Variants in FTO observed in about 807,000 individuals in gnomAD.
FTO encodes the protein alpha-ketoglutarate-dependent dioxygenase FTO.
A neutral mutation model predicts 63.9 loss-of-function variants in FTO; 47 were observed. The ratio of observed to expected loss-of-function variants is 0.74; its 90% confidence interval spans 0.58 to 0.94. The LOEUF (loss-of-function observed/expected upper bound fraction) is 0.94, where lower values mean the gene tolerates loss of function less well. Among genes scored for constraint, FTO ranks in the 40% least tolerant of loss-of-function variants. The probability of loss-of-function intolerance (pLI) is 0.00; values close to 1 mark genes in which losing one functional copy is unlikely to be tolerated. For missense variants in FTO, 562 were observed against 618.1 expected, an observed-to-expected ratio of 0.91 and a Z score of 0.96; for synonymous variants, 207 against 224.4, an observed-to-expected ratio of 0.92 and a Z score of 0.69.
chr16:53,996,288 A>G (rs1277010277), intron 8 of FTO, among the ~76,000 whole-genome samples: 8 of 152,204 alleles, frequency 5.3e-5, no homozygotes, highest in African/African-American at 1.4e-4. Context: ...AGGAAAAATA[A>G]AAGTGGAGAC....
chr16:53,966,704 C>T (rs555881041), intron 8 of FTO, among the ~76,000 whole-genome samples: 2 of 152,268 alleles, frequency 1.3e-5, no homozygotes, highest in East Asian at 1.9e-4. Flanking sequence ...CCAAGAATAG[C>T]CTCCAAGTTC....
rs575673453 is a variant in FTO, at chr16:53,954,100, A to G, written c.1364+19991A>G. On this transcript the variant is annotated intron_variant, in intron 8 of 8. Transcript: ENST00000471389. The stretch of plus-strand genomic sequence containing the variant: ...AATGCTTGGCAAGGAGTAGATGTTC[A>G]TAGATTGTTGATAGATATGAACAAG... 3.3e-5 allele frequency among the ~76,000 whole-genome samples: 5 copies of G among 152,338 alleles called. No homozygotes were observed. The East Asian group carries it at 9.7e-4, about 29-fold the overall frequency.
At chr16:54,026,490 C>T (rs1326513577) in intron 8 of FTO, among the ~76,000 whole-genome samples, 2 of 152,194 alleles carry the variant, frequency 1.3e-5, no homozygotes, top group Non-Finnish European at 2.9e-5. Flanking sequence ...TTAGTTTCAT[C>T]TATAGGTAAG....
At chr16:53,872,246 T>G (rs1319518836) in intron 4 of FTO, among the ~76,000 whole-genome samples, 3 of 152,198 alleles carry the variant, frequency 2.0e-5, no homozygotes, top group Non-Finnish European at 4.4e-5. Context: ...TTCTGGTGCT[T>G]CTTTTTTTGG....
chr16:53,777,665 A>G (rs923461323), intron 1 of FTO, among the ~76,000 whole-genome samples: 2 of 152,196 alleles, frequency 1.3e-5, no homozygotes, highest in Non-Finnish European at 2.9e-5. Flanking sequence ...ACTCATCAGT[A>G]TCACCACTGA....
At chr16:53,947,509 A>G (rs9924877) in intron 8 of FTO, among the ~76,000 whole-genome samples, 104,014 of 151,946 alleles carry the variant, frequency 0.68, 36,723 homozygotes, top group African/African-American at 0.84. Context: ...GCCACCCCTT[A>G]CTGGTCTCCT....
chr16:53,777,808 A>C (rs1372650487), intron 1 of FTO, among the ~76,000 whole-genome samples: 1 of 152,192 alleles, frequency 6.6e-6, no homozygotes, highest in African/African-American at 2.4e-5. Context: ...TTTTTCTTGA[A>C]GTGGCAAGCT....
chr16:53,948,751 G>T (rs141969396), intron 8 of FTO, among the ~76,000 whole-genome samples: 1 of 152,356 alleles, frequency 6.6e-6, no homozygotes, highest in Non-Finnish European at 1.5e-5. Context: ...CAAAACATGT[G>T]TGGAGCCTGG....
At chr16:53,954,340 C>CT (rs111283220) in intron 8 of FTO, among the ~76,000 whole-genome samples, 4,057 of 151,786 alleles carry the variant, frequency 0.027, 187 homozygotes, top group African/African-American at 0.092. Context: ...GGAGGCAGAA[C>CT]TTTTTTTTTC....
chr16:53,988,275 T>G (rs2083719794), intron 8 of FTO, among the ~76,000 whole-genome samples: 1 of 152,210 alleles, frequency 6.6e-6, no homozygotes, highest in Non-Finnish European at 1.5e-5. Flanking sequence ...ACTTTTAGCT[T>G]TCTACTACTT....
chr16:53,833,408 T>C (rs2079196423), intron 3 of FTO, among the ~76,000 whole-genome samples: 1 of 152,240 alleles, frequency 6.6e-6, no homozygotes. Context: ...TAATATTCCA[T>C]TGTATGAATA....
chr16:53,964,589 T>C (rs1183607885), intron 8 of FTO, among the ~76,000 whole-genome samples: 1 of 152,236 alleles, frequency 6.6e-6, no homozygotes, highest in Admixed American at 6.5e-5. Flanking sequence ...TCCATGTTCT[T>C]TCCATTAAAT....
At chr16:54,074,797 A>C (rs1045760085) in intron 8 of FTO, among the ~76,000 whole-genome samples, 8 of 152,172 alleles carry the variant, frequency 5.3e-5, no homozygotes, top group Admixed American at 2.0e-4. Flanking sequence ...CACATACTGC[A>C]AAATGTTCTT....
In FTO at chr16:53,756,070, T is replaced by G. The variant is rs144826850; in HGVS notation, c.45+51841T>G. On this transcript the variant is annotated intron_variant, in intron 1 of 8. Coordinates refer to ENST00000471389, the MANE Select transcript of FTO (RefSeq NM_001080432.3). ...CCTTCCTAAGTATTAATATCAAAACTTAAACAGGTTCCTTTCCCCTTCTTT... is the reference window on the plus strand; with the variant it reads ...CCTTCCTAAGTATTAATATCAAAACGTAAACAGGTTCCTTTCCCCTTCTTT... 2.5e-3 allele frequency among the ~76,000 whole-genome samples: 382 copies of G among 152,300 alleles called. 2 individuals are homozygous for G. Among genetic ancestry groups the G allele is most frequent in the African/African-American group, 8.7e-3 (362 of 41,562 alleles).
intron 5 of FTO, 131 bp from the exon 6 acceptor site, chr16:53,879,713 A>C: frequency 4.6e-6 from 3 of 645,984 alleles, no homozygotes; most frequent in South Asian, 1.7e-5. Flanking sequence ...AAAAAAAAAA[A>C]GGAGTATAGA....
chr16:54,027,190 T>C (rs1479359402), intron 8 of FTO, among the ~76,000 whole-genome samples: 1 of 152,178 alleles, frequency 6.6e-6, no homozygotes, highest in Non-Finnish European at 1.5e-5. Flanking sequence ...GATAAGATAA[T>C]GATACCATCT....
At chr16:53,918,986 T>C (rs1450286718) in intron 7 of FTO, among the ~76,000 whole-genome samples, 13 of 152,196 alleles carry the variant, frequency 8.5e-5, no homozygotes, top group Non-Finnish European at 1.9e-4. Flanking sequence ...CCAACACACA[T>C]AGTTAGTATG....
chr16:53,881,423 C>T (rs921098424), intron 6 of FTO, among the ~76,000 whole-genome samples: 1 of 152,208 alleles, frequency 6.6e-6, no homozygotes, highest in African/African-American at 2.4e-5. Context: ...GAAACTCTCT[C>T]TGTCAAGGTT....
chr16:53,852,201 G>A (rs541701014), intron 4 of FTO, among the ~76,000 whole-genome samples: 18 of 151,646 alleles, frequency 1.2e-4, no homozygotes, highest in South Asian at 2.1e-4. Flanking sequence ...AGCTGAGCTC[G>A]GGAGGTTGAG....
Sources: allele counts gnomAD v4.1 joint callset (sites outside exome capture counted in the v4.1 genomes callset), GRCh38; gene constraint gnomAD v4.1.1; transcripts MANE v1.5; gene names NCBI Gene and HGNC (gene_info 2026-07-23, HGNC 2026-07-21).